The following CHCHD6 variants were observed in gnomAD, a reference collection of about 807,000 sequenced individuals.
CHCHD6 encodes coiled-coil-helix-coiled-coil-helix domain containing 6, also known as MICOS complex subunit MIC25.
Under a neutral mutation model 32.3 loss-of-function variants are expected in CHCHD6, and 28 were observed. The observed-to-expected ratio is 0.87, with a 90% CI of 0.64 to 1.19. The LOEUF is 1.19. Ranked by LOEUF, CHCHD6 falls within the 50% of genes most tolerant of loss-of-function variation. The pLI is 0.00. For missense variants in CHCHD6, 333 were observed against 307.0 expected, an observed-to-expected ratio of 1.08 and a Z score of -0.63; for synonymous variants, 122 against 117.5, an observed-to-expected ratio of 1.04 and a Z score of -0.25.
At position 126,733,170 on chromosome 3, in the gene CHCHD6, T is replaced by C; in HGVS notation, c.359T>C (p.Leu120Pro). 3 of 1,614,198 alleles carry C rather than the reference T, an allele frequency of 1.9e-6. No individual in the cohort carries two copies. The highest frequency in any genetic ancestry group is 1.6e-4 in the Middle Eastern group (1 of 6,062). The change falls in exon 4 of 8, where the codon CTG (leucine) becomes CCG (proline). Residue 120 changes from leucine (L) to proline (P), a missense_variant. Coordinates refer to ENST00000290913, the MANE Select transcript of CHCHD6 (RefSeq NM_032343.3). ...GCCACCAAGCACTCCAAGGCATCCC[T>C]GCCCACGGGCGAAGGCAGCATCAGC... ...EAATKHSKAS[L>P]PTGEGSISHE...
At chr3:126,866,294 G>A (rs1339009687) in intron 5 of CHCHD6, among the ~76,000 whole-genome samples, 1 of 152,154 alleles carries the variant, frequency 6.6e-6, no homozygotes, top group Non-Finnish European at 1.5e-5. Flanking sequence ...CAGTAGTCAA[G>A]CACTTCACCT....
chr3:126,711,469 C>T (rs1934746345), intron 1 of CHCHD6, among the ~76,000 whole-genome samples: 1 of 152,148 alleles, frequency 6.6e-6, no homozygotes, highest in Admixed American at 6.6e-5. Flanking sequence ...TTCTTTTGTT[C>T]TTGCTGGATG....
chr3:126,922,036 A>G (rs1559924062), intron 6 of CHCHD6, among the ~76,000 whole-genome samples: 1 of 152,228 alleles, frequency 6.6e-6, no homozygotes, highest in Admixed American at 6.5e-5. Flanking sequence ...ATGACCTTTT[A>G]AAGGAAACGT....
chr3:126,889,125 T>G (rs995881172), intron 5 of CHCHD6, among the ~76,000 whole-genome samples: 1 of 152,098 alleles, frequency 6.6e-6, no homozygotes, highest in African/African-American at 2.4e-5. Context: ...CTTGGAGGTT[T>G]CTTGAAGGAG....
At chr3:126,906,350 G>T (rs2078005517) in intron 5 of CHCHD6, among the ~76,000 whole-genome samples, 1 of 152,244 alleles carries the variant, frequency 6.6e-6, no homozygotes, top group Non-Finnish European at 1.5e-5. Context: ...TTACACGGCA[G>T]CCAGCAGTCC....
At chr3:126,951,061 C>A (rs111399341) in intron 6 of CHCHD6, among the ~76,000 whole-genome samples, 2 of 152,160 alleles carry the variant, frequency 1.3e-5, no homozygotes, top group Non-Finnish European at 2.9e-5. Flanking sequence ...GTAATCCCCA[C>A]GTGTCAAGGA....
chr3:126,804,818 C>G (rs28773913), intron 4 of CHCHD6, among the ~76,000 whole-genome samples: 3,344 of 152,096 alleles, frequency 0.022, 123 homozygotes, highest in African/African-American at 0.076. Flanking sequence ...ACTGGCAAAC[C>G]AAATCCAGCA....
At chr3:126,841,830 C>T (rs187376587) in intron 4 of CHCHD6, among the ~76,000 whole-genome samples, 2 of 152,208 alleles carry the variant, frequency 1.3e-5, no homozygotes, top group East Asian at 1.9e-4. Context: ...GGGAAGATTG[C>T]TTGAGCCCAG....
intron 5 of CHCHD6, among the ~76,000 whole-genome samples, chr3:126,912,610 C>T (rs1365054656): frequency 6.6e-6 from 1 of 152,346 alleles, no homozygotes; most frequent in East Asian, 1.9e-4. Context: ...CTTGCCTAAG[C>T]TCACCAGGCA....
chr3:126,714,347 G>A (rs960902323), intron 1 of CHCHD6, among the ~76,000 whole-genome samples: 1 of 152,108 alleles, frequency 6.6e-6, no homozygotes, highest in African/African-American at 2.4e-5. Flanking sequence ...GCATTTGTGT[G>A]TGCCATGCTT....
At chr3:126,748,520 G>A (rs1181983630) in intron 4 of CHCHD6, among the ~76,000 whole-genome samples, 1 of 151,800 alleles carries the variant, frequency 6.6e-6, no homozygotes, top group Non-Finnish European at 1.5e-5. Flanking sequence ...GCTTGAACCC[G>A]GGAGGCGGAG....
At chr3:126,767,071 G>C in intron 4 of CHCHD6, 1 of 1,069,166 alleles carries the variant, frequency 9.4e-7, no homozygotes, top group Non-Finnish European at 1.4e-6. Flanking sequence ...GTCTGTAGTT[G>C]TACTCTGTCC....
chr3:126,933,620 T>C (rs1422377670), intron 6 of CHCHD6, among the ~76,000 whole-genome samples: 2 of 152,018 alleles, frequency 1.3e-5, no homozygotes, highest in Non-Finnish European at 2.9e-5. Context: ...TCAACTCTCA[T>C]TATTCGCTCA....
chr3:126,952,061 T>C (rs1297797903), intron 6 of CHCHD6, among the ~76,000 whole-genome samples: 2 of 152,268 alleles, frequency 1.3e-5, no homozygotes, highest in African/African-American at 4.8e-5. Context: ...CAGTGAGTTG[T>C]GATTACCTAA....
chr3:126,771,641 A>G (rs941276519), intron 4 of CHCHD6, among the ~76,000 whole-genome samples: 3 of 152,086 alleles, frequency 2.0e-5, no homozygotes, highest in African/African-American at 7.2e-5. Context: ...AATTTCTTTC[A>G]ATTCAGCTCT....
chr3:126,956,117 C>T (rs1368367843), intron 6 of CHCHD6, among the ~76,000 whole-genome samples: 1 of 152,190 alleles, frequency 6.6e-6, no homozygotes, highest in Non-Finnish European at 1.5e-5. Context: ...TCTGGAGACC[C>T]TGGTGGGAGA....
chr3:126,863,311 T>A (rs1293444711), intron 5 of CHCHD6, among the ~76,000 whole-genome samples: 91 of 65,088 alleles, frequency 1.4e-3, no homozygotes, highest in South Asian at 2.5e-3. Flanking sequence ...CTCCTCCTCC[T>A]CCATCACCAC....
intron 4 of CHCHD6, among the ~76,000 whole-genome samples, chr3:126,746,276 G>A (rs1936499793): frequency 6.6e-6 from 1 of 152,196 alleles, no homozygotes; most frequent in Non-Finnish European, 1.5e-5. Flanking sequence ...CGCACAGCGG[G>A]CATGGCCTGG....
chr3:126,799,752 C>T (rs1234363985), intron 4 of CHCHD6, among the ~76,000 whole-genome samples: 1 of 152,160 alleles, frequency 6.6e-6, no homozygotes, highest in Non-Finnish European at 1.5e-5. Flanking sequence ...GAAAGTCTAA[C>T]AGAACAGCAA....
Sources: allele counts gnomAD v4.1 joint callset (sites outside exome capture counted in the v4.1 genomes callset), GRCh38; gene constraint gnomAD v4.1.1; transcripts MANE v1.5; gene names NCBI Gene and HGNC (gene_info 2026-07-23, HGNC 2026-07-21).